The following NR2F1-AS1 variants were observed in gnomAD, a reference collection of about 807,000 sequenced individuals.
NR2F1-AS1 encodes NR2F1 antisense RNA 1.
In NR2F1-AS1 at chr5:93,571,561, C is replaced by T. The variant is rs62369948; in HGVS notation, n.314-8098G>A. Among the ~76,000 whole-genome samples, 1,408 of 151,718 alleles carry T rather than the reference C, an allele frequency of 9.3e-3. 13 individuals carry two copies. Among genetic ancestry groups the T allele is most frequent in the Non-Finnish European group, 0.013 (877 of 67,918 alleles). ...TTAAGTCCTTGATTCCGAAGTTTCC[C>T]CGCCCTCCTATGCAAGAGCGTTTGG... On this transcript the variant is annotated intron_variant and non_coding_transcript_variant, in intron 1 of 5. Coordinates refer to ENST00000660523, the Ensembl canonical transcript of NR2F1-AS1.
intron 4 of NR2F1-AS1, among the ~76,000 whole-genome samples, chr5:93,513,419 C>A (rs1185563520): frequency 6.6e-6 from 1 of 152,066 alleles, no homozygotes; most frequent in African/African-American, 2.4e-5. Flanking sequence ...AACCTAGTTA[C>A]CTACCAATAG....
At chr5:93,428,067 G>C (rs189051314) in intron 4 of NR2F1-AS1, among the ~76,000 whole-genome samples, 20 of 152,306 alleles carry the variant, frequency 1.3e-4, no homozygotes, top group Non-Finnish European at 2.6e-4. Flanking sequence ...ATGCTATACA[G>C]TATAGAATGA....
upstream of NR2F1-AS1, chr5:93,583,491 T>G (rs1312343623): frequency 6.6e-6 from 1 of 151,558 alleles, no homozygotes; most frequent in African/African-American, 2.4e-5. Context: ...TCTCTTTTAC[T>G]CCATTCCTGC....
intron 2 of NR2F1-AS1, among the ~76,000 whole-genome samples, chr5:93,556,833 C>G (rs1752367740): frequency 6.6e-6 from 1 of 152,170 alleles, no homozygotes; most frequent in African/African-American, 2.4e-5. Flanking sequence ...AACTGAGAGA[C>G]AATAGATTTC....
chr5:93,548,591 G>A (rs752204335), intron 4 of NR2F1-AS1, among the ~76,000 whole-genome samples: 3 of 152,094 alleles, frequency 2.0e-5, no homozygotes, highest in African/African-American at 4.8e-5. Flanking sequence ...GGTCAGGCAC[G>A]GTGGCTCACA....
intron 4 of NR2F1-AS1, among the ~76,000 whole-genome samples, chr5:93,430,399 C>T (rs536432998): frequency 1.3e-5 from 2 of 152,152 alleles, no homozygotes; most frequent in Admixed American, 6.5e-5. Context: ...TGCTTTGCAA[C>T]GCTGCCTGAC....
At chr5:93,556,377 T>TATC (rs1752356173) in intron 2 of NR2F1-AS1, among the ~76,000 whole-genome samples, 1 of 152,200 alleles carries the variant, frequency 6.6e-6, no homozygotes, top group South Asian at 2.1e-4. Context: ...CATACGCACA[T>TATC]ATCATTATTC....
At chr5:93,450,940 C>CAG (rs1035304988) in intron 4 of NR2F1-AS1, among the ~76,000 whole-genome samples, 3 of 95,744 alleles carry the variant, frequency 3.1e-5, no homozygotes, top group African/African-American at 7.3e-5. Context: ...AAAAAAAAAA[C>CAG]AGAGAGAGAG....
At chr5:93,526,359 T>C (rs1751614479) in intron 4 of NR2F1-AS1, among the ~76,000 whole-genome samples, 1 of 152,172 alleles carries the variant, frequency 6.6e-6, no homozygotes, top group Non-Finnish European at 1.5e-5. Flanking sequence ...ATTAACGGCC[T>C]ACCAACCAAC....
intron 4 of NR2F1-AS1, among the ~76,000 whole-genome samples, chr5:93,515,211 T>C (rs1410802274): frequency 6.6e-6 from 1 of 151,952 alleles, no homozygotes; most frequent in African/African-American, 2.4e-5. Context: ...ATCTTTAACA[T>C]TATTTTTTTA....
At chr5:93,429,784 T>C (rs946223496) in intron 4 of NR2F1-AS1, among the ~76,000 whole-genome samples, 2 of 152,212 alleles carry the variant, frequency 1.3e-5, no homozygotes, top group African/African-American at 2.4e-5. Flanking sequence ...CTATTCATTC[T>C]GGGAATTTTC....
chr5:93,503,279 A>C (rs74883312), intron 4 of NR2F1-AS1, among the ~76,000 whole-genome samples: 4,461 of 152,290 alleles, frequency 0.029, 206 homozygotes, highest in African/African-American at 0.1. Context: ...AAGAACCAAA[A>C]GAACTGTAAA....
chr5:93,479,427 C>A (rs1750554337), intron 4 of NR2F1-AS1, among the ~76,000 whole-genome samples: 1 of 152,220 alleles, frequency 6.6e-6, no homozygotes, highest in Non-Finnish European at 1.5e-5. Flanking sequence ...ATGAAGATAA[C>A]AAAACATAGG....
intron 2 of NR2F1-AS1, among the ~76,000 whole-genome samples, chr5:93,558,976 C>T (rs950160063): frequency 2.0e-5 from 3 of 152,186 alleles, no homozygotes; most frequent in African/African-American, 7.2e-5. Flanking sequence ...TGAGCATTGG[C>T]TTCATCTTAA....
At chr5:93,539,200 C>G (rs1043604733) in intron 4 of NR2F1-AS1, among the ~76,000 whole-genome samples, 2 of 152,120 alleles carry the variant, frequency 1.3e-5, no homozygotes, top group Non-Finnish European at 2.9e-5. Flanking sequence ...ATCGCTTGAA[C>G]CTGGGAGGTG....
At chr5:93,535,658 T>C (rs1409689421) in intron 4 of NR2F1-AS1, among the ~76,000 whole-genome samples, 1 of 152,112 alleles carries the variant, frequency 6.6e-6, no homozygotes, top group African/African-American at 2.4e-5. Flanking sequence ...TCATTCATTC[T>C]GATCAGGTGG....
At chr5:93,553,055 T>C (rs546098307) in intron 4 of NR2F1-AS1, among the ~76,000 whole-genome samples, 5 of 152,000 alleles carry the variant, frequency 3.3e-5, no homozygotes, top group Non-Finnish European at 7.4e-5. Flanking sequence ...TGGCCACCCA[T>C]TGACTGACTA....
At chr5:93,449,047 C>T (rs1313748255) in intron 4 of NR2F1-AS1, among the ~76,000 whole-genome samples, 1 of 152,028 alleles carries the variant, frequency 6.6e-6, no homozygotes, top group Admixed American at 6.6e-5. Context: ...TTTATTGTTG[C>T]AGCATAGATG....
chr5:93,527,847 C>T (rs548247944), intron 4 of NR2F1-AS1, among the ~76,000 whole-genome samples: 1 of 152,224 alleles, frequency 6.6e-6, no homozygotes, highest in Non-Finnish European at 1.5e-5. Context: ...AAAATTAACT[C>T]AACATGGATT....
Sources: gnomAD v4.1 joint callset for allele counts (sites outside exome capture counted in the v4.1 genomes callset) on GRCh38, gnomAD v4.1.1 for gene constraint, MANE v1.5 for transcripts, NCBI Gene and HGNC (gene_info 2026-07-23, HGNC 2026-07-21) for gene names.